Variants in WDR17 observed in about 807,000 individuals in gnomAD.
The protein encoded by WDR17 is WD repeat-containing protein 17.
In WDR17, 143 loss-of-function variants were observed where a neutral mutation model predicts 161.7. That is an observed-to-expected ratio of 0.88 (90% CI 0.77 to 1.02). WDR17 has a LOEUF of 1.02. WDR17 is among the 50% of genes least tolerant of loss of function. The probability of loss-of-function intolerance (pLI) is 0.00; values close to 1 mark genes in which losing one functional copy is unlikely to be tolerated. For synonymous variants in WDR17, 517 were observed against 515.6 expected (o/e 1.00, Z -0.04); for missense variants, 1,469 against 1,520.9 (o/e 0.97, Z 0.57).
At chr4:176,100,025 A>C (rs940376837) in intron 1 of WDR17, among the ~76,000 whole-genome samples, 1 of 152,176 alleles carries the variant, frequency 6.6e-6, no homozygotes, top group Non-Finnish European at 1.5e-5. Context: ...TGCTATTGCA[A>C]ATAGTGCTGC....
At chr4:176,163,409 A>G in intron 22 of WDR17, 116 bp downstream of exon 22, 3 of 1,154,220 alleles carry the variant, frequency 2.6e-6, no homozygotes, top group Non-Finnish European at 2.4e-6. Context: ...CCTTGTTTAT[A>G]AAGGATAAGA....
rs1210291149 is a variant in WDR17, at chr4:176,179,313, A to T, written c.3733-147A>T. ...CTATATTTGGGTCCAGCTCAAAAAA[A>T]CTAATTTTCTCATAGTCTTCATTTT... On this transcript the variant is annotated intron_variant, in intron 28 of 28. Transcript: ENST00000508596. 4.8e-5 allele frequency: 43 copies of T among 899,938 alleles called. No homozygotes were observed. In the Admixed American group the frequency reaches 1.6e-3, roughly 34 times the overall value. 55.7% of individuals were successfully genotyped at this position (899,938 alleles called of 1,614,324 possible).
At chr4:176,072,909 A>G (rs1733426574) in intron 1 of WDR17, among the ~76,000 whole-genome samples, 1 of 152,112 alleles carries the variant, frequency 6.6e-6, no homozygotes, top group African/African-American at 2.4e-5. Flanking sequence ...TTTAATAGAC[A>G]TTTTTAGGTA....
intron 1 of WDR17, among the ~76,000 whole-genome samples, chr4:176,087,660 T>C (rs1330444169): frequency 6.6e-6 from 1 of 152,140 alleles, no homozygotes. Context: ...CTGTCTCTTA[T>C]GCTTTGTTCT....
intron 1 of WDR17, among the ~76,000 whole-genome samples, chr4:176,080,603 C>T (rs902231040): frequency 6.6e-6 from 1 of 151,994 alleles, no homozygotes; most frequent in Admixed American, 6.6e-5. Flanking sequence ...AAATGAGGAC[C>T]GATCATTGAC....
chr4:176,120,161 G>T (rs1290159701), intron 4 of WDR17, 64 bp downstream of exon 4: 2 of 1,328,338 alleles, frequency 1.5e-6, no homozygotes, highest in Non-Finnish European at 2.1e-6. Flanking sequence ...TTTTGTACTT[G>T]CTTGGTCTTT....
At chr4:176,069,228 T>C (rs866981096) in intron 1 of WDR17, among the ~76,000 whole-genome samples, 16 of 152,032 alleles carry the variant, frequency 1.1e-4, no homozygotes, top group African/African-American at 3.6e-4. Flanking sequence ...AGATGTCACA[T>C]TATCAGCTAC....
chr4:176,160,221 C>T, intron 19 of WDR17, 95 bp downstream of exon 19: 1 of 1,464,306 alleles, frequency 6.8e-7, no homozygotes, highest in Admixed American at 1.9e-5. Context: ...ACATAATTGA[C>T]AAAGTCATAA....
Position 176,179,567 on chromosome 4 carries a change from C to T in WDR17, c.3840C>T (p.Leu1280=). ...CACCTTTAGGGACTGGAATACGACTCAATCCATTCTGATAGAAGATTTTTG... is the reference window on the plus strand; with the variant it reads ...CACCTTTAGGGACTGGAATACGACTTAATCCATTCTGATAGAAGATTTTTG... ...PFSPLGTGIR[L]NPF The change falls in exon 29 of 29, where the codon CTC becomes CTT. Residue 1280 remains leucine, a synonymous_variant. Transcript: ENST00000508596. 1 of 1,561,332 alleles carries T rather than the reference C, an allele frequency of 6.4e-7. No homozygotes were observed. The highest frequency in any genetic ancestry group is 8.7e-7 in the Non-Finnish European group (1 of 1,154,826).
intron 5 of WDR17, among the ~76,000 whole-genome samples, chr4:176,128,001 CTGAATAATATGTCATTATATGGA>C (rs1742732192): frequency 1.3e-5 from 2 of 152,158 alleles, no homozygotes; most frequent in Admixed American, 1.3e-4. Context: ...CTTTTTATGG[CTGAATAATATGTCATTATATGGA>C]TATGGCAGGT....
At chr4:176,085,745 G>A (rs972687147) in intron 1 of WDR17, among the ~76,000 whole-genome samples, 28 of 151,948 alleles carry the variant, frequency 1.8e-4, no homozygotes, top group African/African-American at 6.8e-4. Flanking sequence ...GCAGTGTTTG[G>A]TTTAGTTGAT....
chr4:176,112,522 C>T (rs2126697557), intron 2 of WDR17, among the ~76,000 whole-genome samples: 1 of 152,250 alleles, frequency 6.6e-6, no homozygotes, highest in African/African-American at 2.4e-5. Context: ...CCAGTTATAC[C>T]AAACCAATTA....
chr4:176,169,792 G>A (rs955368289), intron 23 of WDR17, among the ~76,000 whole-genome samples: 4 of 152,134 alleles, frequency 2.6e-5, no homozygotes, highest in East Asian at 1.9e-4. Flanking sequence ...GTTGAGACGC[G>A]GAAAATACTT....
At position 176,180,197 on chromosome 4, in the gene WDR17, G is replaced by C. The variant is rs1012074189; in HGVS notation, c.*618G>C. The C allele has an allele frequency of 2.0e-5, 3 of 151,664 alleles. No individual in the cohort carries two copies. Among genetic ancestry groups the C allele is most frequent in the Non-Finnish European group, 2.9e-5 (2 of 67,920 alleles). The allele number at this position is 151,664 out of a possible 1,614,324, so 9.4% of individuals were successfully genotyped here. A position where few individuals can be genotyped will look rare whatever the true frequency, so the allele number is the denominator to read the frequency against. ...AATGTTACCAGTTTTTTTATCTGAAGTTTAACTGTCCCATTGTAAAGGTGT... is the reference window on the plus strand; with the variant it reads ...AATGTTACCAGTTTTTTTATCTGAACTTTAACTGTCCCATTGTAAAGGTGT... On this transcript the variant is annotated 3_prime_UTR_variant, in exon 29 of 29. Coordinates refer to ENST00000508596, the MANE Select transcript of WDR17 (RefSeq NM_181265.4).
chr4:176,081,435 T>G (rs1734735508), intron 1 of WDR17, among the ~76,000 whole-genome samples: 1 of 152,122 alleles, frequency 6.6e-6, no homozygotes, highest in Non-Finnish European at 1.5e-5. Flanking sequence ...TTATACAGCC[T>G]TCTTGGCCAC....
intron 22 of WDR17, among the ~76,000 whole-genome samples, chr4:176,168,426 GACTCATGTATGTAAAGTT>G (rs1360552717): frequency 6.6e-6 from 1 of 152,078 alleles, no homozygotes; most frequent in African/African-American, 2.4e-5. Flanking sequence ...AGTATGTTAA[GACTCATGTATGTAAAGTT>G]TAGTTTTTAA....
intron 18 of WDR17, among the ~76,000 whole-genome samples, chr4:176,157,749 G>T (rs34429304): frequency 0.22 from 33,229 of 152,098 alleles, 3,823 homozygotes; most frequent in South Asian, 0.27. Flanking sequence ...TATTTTATTA[G>T]CATCTAGTCA....
intron 1 of WDR17, among the ~76,000 whole-genome samples, chr4:176,093,602 G>A (rs1427794420): frequency 6.6e-6 from 1 of 152,102 alleles, no homozygotes; most frequent in Non-Finnish European, 1.5e-5. Flanking sequence ...TGATTTTAAT[G>A]AAATATCAAT....
At chr4:176,073,876 T>C (rs911147239) in intron 1 of WDR17, among the ~76,000 whole-genome samples, 1 of 151,608 alleles carries the variant, frequency 6.6e-6, no homozygotes, top group African/African-American at 2.4e-5. Flanking sequence ...CATTTTTTCA[T>C]GTGTTTTTTG....
Sources: gnomAD v4.1 joint callset for allele counts (sites outside exome capture counted in the v4.1 genomes callset) on GRCh38, gnomAD v4.1.1 for gene constraint, MANE v1.5 for transcripts, NCBI Gene and HGNC (gene_info 2026-07-23, HGNC 2026-07-21) for gene names.